The following STRN variants were observed in gnomAD, a reference collection of about 807,000 sequenced individuals.
STRN encodes the protein protein phosphatase 2 regulatory subunit B'''alpha.
In STRN, 53 loss-of-function variants were observed where a neutral mutation model predicts 96.3. The observed-to-expected ratio is 0.55, with a 90% confidence interval of 0.44 to 0.69. STRN has a LOEUF of 0.69. Among genes scored for constraint, STRN ranks in the 30% least tolerant of loss-of-function variants. STRN has a pLI of 0.00. For missense variants in STRN, 987 were observed against 963.9 expected, an observed-to-expected ratio of 1.02 and a Z score of -0.32; for synonymous variants, 428 against 355.9, an observed-to-expected ratio of 1.20 and a Z score of -2.28.
At chr2:36,950,194 G>A (rs1023119024) in intron 1 of STRN, among the ~76,000 whole-genome samples, 15 of 150,596 alleles carry the variant, frequency 1.0e-4, no homozygotes, top group African/African-American at 3.7e-4. Flanking sequence ...TGTTGTTACT[G>A]GTTGGTTGGT....
At chr2:36,912,649 G>A (rs1404906605) in intron 3 of STRN, among the ~76,000 whole-genome samples, 1 of 152,080 alleles carries the variant, frequency 6.6e-6, no homozygotes, top group Non-Finnish European at 1.5e-5. Flanking sequence ...CAGCTCCTGG[G>A]TGACTGTTTC....
intron 1 of STRN, among the ~76,000 whole-genome samples, chr2:36,953,130 G>A (rs949542014): frequency 1.4e-4 from 22 of 152,026 alleles, no homozygotes; most frequent in East Asian, 5.8e-4. Context: ...ACATTCCCCC[G>A]GCCCTTTCCT....
rs1446754811 is a variant in STRN, at chr2:36,922,290, A to G, written c.338+2815T>C. On this transcript the variant is annotated intron_variant, in intron 2 of 17. Coordinates refer to ENST00000263918, the MANE Select transcript of STRN (RefSeq NM_003162.4). The stretch of plus-strand genomic sequence containing the variant: ...TCACGGCACTTTAAGAGGCTACAGC[A>G]GGAGGACTGCTTGAGCCCAGGAGGT... 2.0e-5 allele frequency among the ~76,000 whole-genome samples: 3 copies of G among 152,108 alleles called. No homozygotes were observed. In the East Asian group the frequency reaches 5.8e-4, roughly 29 times the overall value.
At chr2:36,887,880 T>A (rs372892942) in intron 7 of STRN, among the ~76,000 whole-genome samples, 5 of 152,350 alleles carry the variant, frequency 3.3e-5, no homozygotes, top group African/African-American at 1.2e-4. Context: ...AAATACTATA[T>A]AATGCTATGT....
intron 1 of STRN, among the ~76,000 whole-genome samples, chr2:36,930,300 C>T (rs1386040079): frequency 6.6e-6 from 1 of 151,928 alleles, no homozygotes; most frequent in African/African-American, 2.4e-5. Context: ...GGCATGGTGG[C>T]GTGTGCCTGT....
intron 1 of STRN, among the ~76,000 whole-genome samples, chr2:36,949,865 A>G (rs1664707719): frequency 6.6e-6 from 1 of 152,226 alleles, no homozygotes; most frequent in African/African-American, 2.4e-5. Context: ...AGTTAGAGAT[A>G]ATTTTGTAAA....
intron 7 of STRN, among the ~76,000 whole-genome samples, chr2:36,888,670 T>TGTGC (rs775385738): frequency 6.7e-6 from 1 of 149,170 alleles, no homozygotes; most frequent in East Asian, 2.0e-4. Flanking sequence ...TGTGTGTGTG[T>TGTGC]GCATTTATTT....
intron 1 of STRN, among the ~76,000 whole-genome samples, chr2:36,955,603 ATT>A (rs1448391034): frequency 1.3e-5 from 2 of 151,314 alleles, no homozygotes; most frequent in Non-Finnish European, 2.9e-5. Flanking sequence ...CCCTTCCTCA[ATT>A]TCTCTCTTGC....
rs992523514 is a variant in STRN at position 36,884,069 on chromosome 2, T to A, written c.1049A>T (p.Asn350Ile). The change falls in exon 9 of 18, where the codon AAT becomes ATT. Residue 350 changes from asparagine to isoleucine, a missense_variant. Physicochemically the swap from Asn to Ile is moderately radical, Grantham distance 149. Coordinates refer to ENST00000263918, the MANE Select transcript of STRN (RefSeq NM_003162.4). ...AAGCATATCTTGTAGTTTTGACCTA[T>A]TGGGCCCTAGCCAAAAAAAGGGGGG... ...RKGKKGVKRP[N>I]RSKLQDMLAN... 2 of 1,346,642 alleles carry A rather than the reference T, an allele frequency of 1.5e-6. No homozygotes were observed. Among genetic ancestry groups the A allele is most frequent in the African/African-American group, 3.0e-5 (2 of 66,890 alleles). The allele number at this position is 1,346,642 out of a possible 1,614,324, so 83.4% of individuals were successfully genotyped here.
intron 10 of STRN, among the ~76,000 whole-genome samples, chr2:36,872,780 T>C (rs1668795738): frequency 6.6e-6 from 1 of 152,202 alleles, no homozygotes; most frequent in Admixed American, 6.5e-5. Context: ...TGGGAACTTC[T>C]GCTTCTAGCC....
In STRN at chr2:36,902,657, T is replaced by C. The variant is rs1436820603; in HGVS notation, c.586A>G (p.Arg196Gly). ...GAGTCCTGATTTTTGTCATCTTCCC[T>C]GTCCGTGACATCACTTGAAAAGCCC... ...LLGFSSDVTDREDDKNQDSVV... is the reference protein window; with the variant it reads ...LLGFSSDVTDGEDDKNQDSVV... Residue 196 changes from arginine to glycine, a missense_variant, in exon 5 of 18, where the codon AGG becomes GGG. Arg to Gly is a moderately radical substitution (Grantham distance 125). Transcript: ENST00000263918. The C allele has an allele frequency of 1.9e-6, 3 of 1,612,432 alleles. No individual in the cohort carries two copies. The highest frequency in any genetic ancestry group is 1.7e-5 in the Admixed American group (1 of 59,976).
At chr2:36,919,118 ATT>A (rs1670181908) in intron 2 of STRN, among the ~76,000 whole-genome samples, 1 of 152,204 alleles carries the variant, frequency 6.6e-6, no homozygotes, top group South Asian at 2.1e-4. Context: ...GCTAAAAATA[ATT>A]TGATTAATTT....
At chr2:36,937,066 G>A (rs556075558) in intron 1 of STRN, among the ~76,000 whole-genome samples, 6 of 152,256 alleles carry the variant, frequency 3.9e-5, no homozygotes, top group East Asian at 1.9e-4. Context: ...AAAGAGGGCC[G>A]GAAACGGTGG....
At position 36,846,676 on chromosome 2, in the gene STRN, CTAAG is replaced by C. The variant is rs1490883900; in HGVS notation, c.*2776_*2779del. Reference sequence around the variant, plus strand: ...TATAAAAGCGAAATATTTTGCATAACTAAGTATTTGTTTAATGGCAAAAGTTGTT... The same window carrying C: ...TATAAAAGCGAAATATTTTGCATAACTATTTGTTTAATGGCAAAAGTTGTT... On this transcript the variant is annotated 3_prime_UTR_variant, in exon 18 of 18. Transcript: ENST00000263918. 13 of 151,534 alleles carry C rather than the reference CTAAG, an allele frequency of 8.6e-5. No homozygotes were observed. The highest frequency in any genetic ancestry group is 2.4e-4 in the African/African-American group (10 of 41,252). The allele number at this position is 151,534 out of a possible 1,614,324, so 9.4% of individuals were successfully genotyped here.
At chr2:36,936,128 T>C (rs1325970998) in intron 1 of STRN, among the ~76,000 whole-genome samples, 1 of 152,184 alleles carries the variant, frequency 6.6e-6, no homozygotes, top group African/African-American at 2.4e-5. Context: ...TAAAGACATT[T>C]AAGCCTTTCT....
intron 1 of STRN, among the ~76,000 whole-genome samples, chr2:36,952,394 C>G (rs1173706722): frequency 2.2e-5 from 3 of 138,540 alleles, no homozygotes; most frequent in Non-Finnish European, 4.6e-5. Flanking sequence ...ATTCACCAGG[C>G]AAACAAGGGA....
intron 2 of STRN, among the ~76,000 whole-genome samples, chr2:36,917,242 C>T (rs1161776584): frequency 2.0e-5 from 3 of 151,238 alleles, no homozygotes; most frequent in Non-Finnish European, 4.4e-5. Context: ...AAAGTAGTGG[C>T]TGGGCACGGG....
chr2:36,925,666 G>A (rs573703752), intron 1 of STRN, among the ~76,000 whole-genome samples: 3 of 151,976 alleles, frequency 2.0e-5, no homozygotes, highest in African/African-American at 4.8e-5. Flanking sequence ...CCAGCTACTC[G>A]GGAGGCTTAG....
rs142483099 is a variant in STRN, at chr2:36,847,399, T to C, written c.*2057A>G. ...AATGGCATCTTCCTTCCTTCCTTCC[T>C]GGAAGGAATTTTCCAGTATCCTTCT... On this transcript the variant is annotated 3_prime_UTR_variant, in exon 18 of 18. Coordinates refer to ENST00000263918, the MANE Select transcript of STRN (RefSeq NM_003162.4). The C allele has an allele frequency of 2.4e-3, 372 of 152,270 alleles. 3 individuals are homozygous for C. Among genetic ancestry groups the C allele is most frequent in the African/African-American group, 8.7e-3 (360 of 41,566 alleles). The allele number at this position is 152,270 out of a possible 1,614,324, so 9.4% of individuals were successfully genotyped here.
Sources: gnomAD v4.1 joint callset for allele counts (sites outside exome capture counted in the v4.1 genomes callset) on GRCh38, gnomAD v4.1.1 for gene constraint, MANE v1.5 for transcripts, NCBI Gene and HGNC (gene_info 2026-07-23, HGNC 2026-07-21) for gene names.